BAZ2B: variants seen among roughly 807,000 people sequenced by gnomAD.
BAZ2B encodes bromodomain adjacent to zinc finger domain protein 2B.
In BAZ2B, 91 loss-of-function variants were observed where a neutral mutation model predicts 246.0. The observed-to-expected ratio is 0.37, with a 90% CI of 0.31 to 0.44. The LOEUF (loss-of-function observed/expected upper bound fraction) is 0.44. Among genes scored for constraint, BAZ2B ranks in the 20% least tolerant of loss-of-function variants. The pLI is 1.00. For missense variants in BAZ2B, 2,332 were observed against 2,533.7 expected (o/e 0.92, Z 1.71); for synonymous variants, 855 against 860.0 (o/e 0.99, Z 0.10).
At chr2:159,676,406 C>T in the BAZ2B span, among the ~76,000 whole-genome samples, 14 of 152,158 alleles carry the variant, frequency 9.2e-5, no homozygotes, top group Non-Finnish European at 1.8e-4. Flanking sequence ...TGACACTTCA[C>T]AGCTATTTGT....
rs575357477 is a variant in BAZ2B at position 159,350,017 on chromosome 2, G to A, written c.4554C>T (p.Ser1518=). ...LGSVQSTATQ[S]NVEKADSNNL... ...TATTAGAGTCTGCCTTTTCCACATT[G>A]CTTTGCGTTGCTGTTGACTGAACGC... Residue 1518 remains serine, a synonymous_variant, in exon 28 of 37, where the codon AGC becomes AGT. Coordinates refer to ENST00000392783, the MANE Select transcript of BAZ2B (RefSeq NM_013450.4). 6.2e-7 allele frequency: 1 copy of A among 1,614,146 alleles called. No homozygotes were observed. Among genetic ancestry groups the A allele is most frequent in the East Asian group, 2.2e-5 (1 of 44,886 alleles).
chr2:159,546,023 T>C (rs2087287760), intron 2 of BAZ2B, among the ~76,000 whole-genome samples: 1 of 152,194 alleles, frequency 6.6e-6, no homozygotes, highest in East Asian at 1.9e-4. Context: ...TTCAAGTTAG[T>C]ATCATACAAT....
Position 159,325,647 on chromosome 2 carries a change from T to C in BAZ2B, c.6209+6A>G, listed in dbSNP as rs771615949. On this transcript the variant is annotated splice_donor_region_variant and intron_variant, in intron 35 of 36. Coordinates refer to ENST00000392783, the MANE Select transcript of BAZ2B (RefSeq NM_013450.4). ...AATATACAGTGCATGAAAACGGAAA[T>C]AATACCTGCAAAGAGCTAGGTCCTT... 2 of 1,579,594 alleles carry C rather than the reference T, an allele frequency of 1.3e-6. No homozygotes were observed. The highest frequency in any genetic ancestry group is 1.2e-5 in the South Asian group (1 of 83,062).
chr2:159,652,492 G>A, the BAZ2B span, among the ~76,000 whole-genome samples: 1 of 152,088 alleles, frequency 6.6e-6, no homozygotes, highest in African/African-American at 2.4e-5. Context: ...TTACAGGCGT[G>A]AGCCACCGCG....
At chr2:159,708,009 A>T in the BAZ2B span, among the ~76,000 whole-genome samples, 47,635 of 151,982 alleles carry the variant, frequency 0.31, 9,413 homozygotes, top group Admixed American at 0.48. Context: ...AATAAATAAA[A>T]AAAATAAAAT....
At chr2:159,651,217 A>C in the BAZ2B span, among the ~76,000 whole-genome samples, 1 of 152,200 alleles carries the variant, frequency 6.6e-6, no homozygotes, top group African/African-American at 2.4e-5. Context: ...ATGGGTTGGT[A>C]CAGTATTATG....
chr2:159,425,713 T>C (rs1243447866), intron 13 of BAZ2B, among the ~76,000 whole-genome samples: 2 of 152,222 alleles, frequency 1.3e-5, no homozygotes, highest in Non-Finnish European at 2.9e-5. Context: ...CATCACTGCA[T>C]GGTAGCAGTA....
intron 1 of BAZ2B, among the ~76,000 whole-genome samples, chr2:159,596,990 T>A (rs1690870041): frequency 6.6e-6 from 1 of 152,258 alleles, no homozygotes; most frequent in Non-Finnish European, 1.5e-5. Context: ...CCATAGTGGT[T>A]GTACTAGTTT....
chr2:159,494,494 ATAC>A (rs145696402), intron 2 of BAZ2B, among the ~76,000 whole-genome samples: 5 of 152,038 alleles, frequency 3.3e-5, no homozygotes, highest in African/African-American at 9.7e-5. Context: ...ATACATGCAC[ATAC>A]TACTACTACT....
At chr2:159,382,928 A>G (rs1469367005) in intron 24 of BAZ2B, 126 bp from the exon 25 acceptor site, 1 of 1,251,688 alleles carries the variant, frequency 8.0e-7, no homozygotes, top group Non-Finnish European at 1.1e-6. Context: ...CGATATACCA[A>G]TGTTAAAAAA....
Position 159,385,145 on chromosome 2 carries a change from A to G in BAZ2B, c.3686+10T>C. ...GGAAAAATCACGGAAAAGCCTGGGCATATGCTCACCTGACCACACTCTTGC... is the reference window on the plus strand; with the variant it reads ...GGAAAAATCACGGAAAAGCCTGGGCGTATGCTCACCTGACCACACTCTTGC... On this transcript the variant is annotated intron_variant, in intron 23 of 36. Coordinates refer to ENST00000392783, the MANE Select transcript of BAZ2B (RefSeq NM_013450.4). The G allele has an allele frequency of 3.7e-6, 6 of 1,601,580 alleles. No homozygotes were observed. The highest frequency in any genetic ancestry group is 5.1e-6 in the Non-Finnish European group (6 of 1,169,542).
chr2:159,636,999 C>T, the BAZ2B span, among the ~76,000 whole-genome samples: 1 of 152,270 alleles, frequency 6.6e-6, no homozygotes, highest in South Asian at 2.1e-4. Flanking sequence ...AGATTCATCA[C>T]CTGCTGACTA....
the BAZ2B span, among the ~76,000 whole-genome samples, chr2:159,669,956 T>G: frequency 1.3e-5 from 2 of 151,962 alleles, no homozygotes; most frequent in African/African-American, 4.8e-5. Context: ...TTGCAGTAGT[T>G]CCTGTTGCTC....
intron 30 of BAZ2B, among the ~76,000 whole-genome samples, chr2:159,348,170 A>T (rs1387544497): frequency 6.6e-6 from 1 of 151,708 alleles, no homozygotes; most frequent in Non-Finnish European, 1.5e-5. Flanking sequence ...AATAAAAAAA[A>T]CTAGCTGGGT....
At chr2:159,703,992 A>G in the BAZ2B span, among the ~76,000 whole-genome samples, 1 of 152,234 alleles carries the variant, frequency 6.6e-6, no homozygotes, top group Non-Finnish European at 1.5e-5. Context: ...TTACATAAAT[A>G]TAAGATAAAT....
At chr2:159,343,259 A>G (rs984189916) in intron 31 of BAZ2B, among the ~76,000 whole-genome samples, 2 of 152,226 alleles carry the variant, frequency 1.3e-5, no homozygotes, top group African/African-American at 4.8e-5. Context: ...CCTATACAAA[A>G]ATAACTCAAA....
At chr2:159,538,550 C>T (rs753867024) in intron 2 of BAZ2B, among the ~76,000 whole-genome samples, 6 of 152,244 alleles carry the variant, frequency 3.9e-5, no homozygotes, top group Middle Eastern at 3.4e-3. Flanking sequence ...TCTCATGTAC[C>T]ACTCTGGTGT....
chr2:159,583,026 A>T (rs1687189581), intron 1 of BAZ2B, among the ~76,000 whole-genome samples: 1 of 152,150 alleles, frequency 6.6e-6, no homozygotes, highest in Non-Finnish European at 1.5e-5. Context: ...AATACAAAAT[A>T]CTTATACATA....
chr2:159,397,674 G>A (rs987139791), intron 18 of BAZ2B, among the ~76,000 whole-genome samples: 3 of 152,052 alleles, frequency 2.0e-5, no homozygotes, highest in Non-Finnish European at 4.4e-5. Context: ...TGACCTAACT[G>A]CACACTTCAA....
Sources: gnomAD v4.1 joint callset for allele counts (sites outside exome capture counted in the v4.1 genomes callset) on GRCh38, gnomAD v4.1.1 for gene constraint, MANE v1.5 for transcripts, NCBI Gene and HGNC (gene_info 2026-07-23, HGNC 2026-07-21) for gene names.